The following FTO variants were observed in gnomAD, a reference collection of about 807,000 sequenced individuals.
FTO encodes the protein FTO alpha-ketoglutarate dependent dioxygenase, also known as alpha-ketoglutarate-dependent dioxygenase FTO.
Under a neutral mutation model 63.9 loss-of-function variants are expected in FTO, and 47 were observed. The observed-to-expected ratio is 0.74, with a 90% CI of 0.58 to 0.94. The LOEUF (loss-of-function observed/expected upper bound fraction) is 0.94. Ranked by LOEUF, FTO falls within the 40% of genes least tolerant of loss-of-function variation. The pLI is 0.00. For synonymous variants in FTO, 207 were observed against 224.4 expected, an observed-to-expected ratio of 0.92 and a Z score of 0.69; for missense variants, 562 against 618.1, an observed-to-expected ratio of 0.91 and a Z score of 0.96.
chr16:53,768,727 G>T (rs907374048), intron 1 of FTO, among the ~76,000 whole-genome samples: 2 of 152,094 alleles, frequency 1.3e-5, no homozygotes, highest in Non-Finnish European at 2.9e-5. Context: ...GGCCTGCTTG[G>T]TGAGGCTGCT....
chr16:54,055,464 G>A (rs192189068), intron 8 of FTO, among the ~76,000 whole-genome samples: 4 of 152,298 alleles, frequency 2.6e-5, no homozygotes, highest in Admixed American at 6.5e-5. Flanking sequence ...GGTCTGCAAA[G>A]GTGCAGGGGC....
intron 4 of FTO, among the ~76,000 whole-genome samples, chr16:53,867,149 A>G (rs1464892020): frequency 6.6e-6 from 1 of 152,024 alleles, no homozygotes; most frequent in East Asian, 1.9e-4. Flanking sequence ...TTAGAAGTAT[A>G]TTGTTCTATC....
In FTO at chr16:53,859,764, A is replaced by G. The variant is rs148723756; in HGVS notation, c.896-14022A>G. Among the ~76,000 whole-genome samples the G allele has an allele frequency of 7.9e-5, 12 of 152,304 alleles. No homozygotes were observed. In the East Asian group the frequency reaches 1.7e-3, roughly 22 times the overall value. ...TTACTTCACACTTGTTACAATAACT[A>G]TTATACAATAGACAATAGATAACAA... On this transcript the variant is annotated intron_variant, in intron 4 of 8. Coordinates refer to ENST00000471389, the MANE Select transcript of FTO (RefSeq NM_001080432.3).
At chr16:53,766,820 G>A (rs2151620849) in intron 1 of FTO, among the ~76,000 whole-genome samples, 1 of 152,258 alleles carries the variant, frequency 6.6e-6, no homozygotes. Context: ...CTGAACTGGA[G>A]TGTTTTTCCT....
At chr16:53,727,309 C>T (rs1488853087) in intron 1 of FTO, among the ~76,000 whole-genome samples, 5 of 152,198 alleles carry the variant, frequency 3.3e-5, no homozygotes, top group African/African-American at 1.2e-4. Context: ...TCCAGTGGTG[C>T]CTGGTGTTAG....
At chr16:53,766,400 G>A (rs183277198) in intron 1 of FTO, among the ~76,000 whole-genome samples, 4 of 152,076 alleles carry the variant, frequency 2.6e-5, no homozygotes, top group Admixed American at 6.5e-5. Flanking sequence ...TAATTTTTTC[G>A]TTATCCGTGA....
intron 1 of FTO, among the ~76,000 whole-genome samples, chr16:53,722,973 A>G (rs76488452): frequency 0.049 from 7,431 of 152,186 alleles, 227 homozygotes; most frequent in South Asian, 0.11. Context: ...TGAACCACCT[A>G]TGTGTCCCGA....
intron 8 of FTO, among the ~76,000 whole-genome samples, chr16:54,103,820 T>A (rs1457687109): frequency 6.6e-6 from 1 of 152,208 alleles, no homozygotes; most frequent in African/African-American, 2.4e-5. Flanking sequence ...AGGGAAAGAT[T>A]ATTATAAACT....
At chr16:53,797,604 T>C (rs2078109485) in intron 1 of FTO, among the ~76,000 whole-genome samples, 1 of 152,222 alleles carries the variant, frequency 6.6e-6, no homozygotes, top group African/African-American at 2.4e-5. Flanking sequence ...GATGGACATT[T>C]GGGTTGTTTC....
intron 7 of FTO, among the ~76,000 whole-genome samples, chr16:53,912,846 T>C (rs1165140439): frequency 2.0e-5 from 3 of 152,210 alleles, no homozygotes; most frequent in African/African-American, 7.2e-5. Context: ...TAGCCTAGTA[T>C]ATATTATCCT....
At chr16:53,819,468 A>C (rs933114496) in intron 2 of FTO, among the ~76,000 whole-genome samples, 31 of 152,222 alleles carry the variant, frequency 2.0e-4, no homozygotes, top group Admixed American at 8.5e-4. Context: ...CACCACGCCC[A>C]GGCAGTTAAT....
intron 8 of FTO, among the ~76,000 whole-genome samples, chr16:54,103,208 C>T (rs1249324444): frequency 1.3e-5 from 2 of 152,010 alleles, no homozygotes; most frequent in African/African-American, 4.8e-5. Context: ...GGCTGAATGG[C>T]GTTATGTTGG....
chr16:53,921,622 G>A (rs1458112253), intron 7 of FTO, among the ~76,000 whole-genome samples: 2 of 152,150 alleles, frequency 1.3e-5, no homozygotes, highest in Non-Finnish European at 2.9e-5. Flanking sequence ...AAAAGATAAA[G>A]ATAAGGCAAG....
At chr16:53,994,245 C>T (rs1372679528) in intron 8 of FTO, 6 of 152,228 alleles carry the variant, frequency 3.9e-5, no homozygotes, top group African/African-American at 1.4e-4. Context: ...AATGGTAGGT[C>T]TGCTGCAGAA....
intron 8 of FTO, among the ~76,000 whole-genome samples, chr16:53,971,320 C>T (rs2083312588): frequency 6.6e-6 from 1 of 152,114 alleles, no homozygotes; most frequent in African/African-American, 2.4e-5. Context: ...AAGATATGAA[C>T]GTTTTTATGG....
At chr16:53,794,135 T>C (rs942209681) in intron 1 of FTO, among the ~76,000 whole-genome samples, 2 of 152,204 alleles carry the variant, frequency 1.3e-5, no homozygotes, top group African/African-American at 4.8e-5. Context: ...CCATAGCATT[T>C]TTCTGGAGCG....
intron 8 of FTO, among the ~76,000 whole-genome samples, chr16:54,018,018 G>T (rs1476506745): frequency 1.3e-5 from 2 of 151,570 alleles, no homozygotes; most frequent in African/African-American, 4.9e-5. Flanking sequence ...TATTCTTTGG[G>T]CTCTGACACG....
At chr16:53,768,635 G>A (rs562569050) in intron 1 of FTO, among the ~76,000 whole-genome samples, 1 of 152,268 alleles carries the variant, frequency 6.6e-6, no homozygotes, top group South Asian at 2.1e-4. Context: ...TGGAGAAATG[G>A]CCTCTGTTTA....
intron 1 of FTO, among the ~76,000 whole-genome samples, chr16:53,716,757 A>G (rs76206469): frequency 1.0e-3 from 159 of 151,706 alleles, no homozygotes; most frequent in African/African-American, 3.5e-3. Flanking sequence ...TTCTGATTAC[A>G]TAATAATTTT....
Sources: gnomAD v4.1 joint callset for allele counts (sites outside exome capture counted in the v4.1 genomes callset) on GRCh38, gnomAD v4.1.1 for gene constraint, MANE v1.5 for transcripts, NCBI Gene and HGNC (gene_info 2026-07-23, HGNC 2026-07-21) for gene names.